Variants in OPN3 observed in about 807,000 individuals in gnomAD.
OPN3 encodes the protein opsin 3, also known as opsin-3.
Under a neutral mutation model 33.8 loss-of-function variants are expected in OPN3, and 29 were observed. The ratio of observed to expected loss-of-function variants is 0.86; its 90% CI spans 0.64 to 1.17. The LOEUF is 1.17. OPN3 is among the 50% of genes most tolerant of loss of function. OPN3 has a pLI of 0.00. For synonymous variants in OPN3, 216 were observed against 216.1 expected, an observed-to-expected ratio of 1.00 and a Z score of 0.00; for missense variants, 437 against 514.1, an observed-to-expected ratio of 0.85 and a Z score of 1.45.
chr1:241,630,820 AC>A (rs1170805138), intron 1 of OPN3: 3 of 152,070 alleles, frequency 2.0e-5, no homozygotes, highest in Non-Finnish European at 2.9e-5. Context: ...TGTAATTAAT[AC>A]TTTGGATTTT....
At chr1:241,622,614 T>C (rs775039697) in intron 1 of OPN3, among the ~76,000 whole-genome samples, 12 of 152,202 alleles carry the variant, frequency 7.9e-5, no homozygotes, top group Non-Finnish European at 1.8e-4. Context: ...TAGCACTCTT[T>C]AGTTTAAAAC....
At position 241,640,296 on chromosome 1, in the gene OPN3, T is replaced by G. The variant is rs1433569459; in HGVS notation, c.-42A>C. The G allele has an allele frequency of 7.1e-5, 80 of 1,133,150 alleles. No individual in the cohort carries two copies. The East Asian group carries it at 3.2e-3, about 46-fold the overall frequency. The allele number at this position is 1,133,150 out of a possible 1,614,324, so 70.2% of individuals were successfully genotyped here. A position where few individuals can be genotyped will look rare whatever the true frequency, so the allele number is the denominator to read the frequency against. On this transcript the variant is annotated 5_prime_UTR_variant, in exon 1 of 4. Transcript: ENST00000366554. ...GCCTGGCGGGCGGAGGCGCTCAGCTTGCGGCGGGGCTCGCGGCGCGCTCCG... is the reference window on the plus strand; with the variant it reads ...GCCTGGCGGGCGGAGGCGCTCAGCTGGCGGCGGGGCTCGCGGCGCGCTCCG...
intron 1 of OPN3, among the ~76,000 whole-genome samples, chr1:241,607,599 A>G (rs10802972): frequency 1.3e-5 from 2 of 149,654 alleles, no homozygotes; most frequent in Non-Finnish European, 3.0e-5. Context: ...AAAGGAAGAA[A>G]GAGAGAAAGG....
chr1:241,635,645 C>T (rs1055935839), intron 1 of OPN3: 3 of 1,613,956 alleles, frequency 1.9e-6, no homozygotes, highest in Non-Finnish European at 2.5e-6. Context: ...TCCATAGTAG[C>T]TTCTTGAATC....
At chr1:241,599,466 A>G (rs1276742086) in intron 2 of OPN3, among the ~76,000 whole-genome samples, 1 of 152,176 alleles carries the variant, frequency 6.6e-6, no homozygotes. Flanking sequence ...AGAAAGGTAA[A>G]TAATTTACCT....
At chr1:241,621,722 A>T (rs902563277) in intron 1 of OPN3, among the ~76,000 whole-genome samples, 6 of 152,182 alleles carry the variant, frequency 3.9e-5, no homozygotes, top group African/African-American at 7.2e-5. Flanking sequence ...TGTACGGCTC[A>T]TGAAGGGAGG....
chr1:241,594,801 G>A (rs1261374636), intron 3 of OPN3, 110 bp from the exon 4 acceptor site: 3 of 1,303,540 alleles, frequency 2.3e-6, no homozygotes, highest in Non-Finnish European at 3.2e-6. Flanking sequence ...TTGTTTGTTA[G>A]CAGGTGTGGA....
intron 1 of OPN3, among the ~76,000 whole-genome samples, chr1:241,617,718 C>T (rs981424222): frequency 1.3e-5 from 2 of 152,140 alleles, no homozygotes; most frequent in African/African-American, 2.4e-5. Context: ...AATTAATCAA[C>T]CAGAAAATGT....
At chr1:241,636,523 T>C (rs971728862) in intron 1 of OPN3, among the ~76,000 whole-genome samples, 2 of 152,218 alleles carry the variant, frequency 1.3e-5, no homozygotes, top group Non-Finnish European at 2.9e-5. Context: ...CCAGAACAGC[T>C]GAATATAAGA....
chr1:241,633,728 G>T (rs1200303455), intron 1 of OPN3: 73 of 1,538,230 alleles, frequency 4.7e-5, no homozygotes, highest in Middle Eastern at 1.9e-4. Context: ...ATGGGAAACT[G>T]TCCTTTAAAT....
intron 3 of OPN3, chr1:241,595,107 T>C (rs1663461496): frequency 6.4e-6 from 1 of 156,766 alleles, no homozygotes; most frequent in South Asian, 2.0e-4. Context: ...CCTGGCAGAG[T>C]TTACAGCCTG....
intron 1 of OPN3, among the ~76,000 whole-genome samples, chr1:241,610,777 A>G (rs1258293980): frequency 1.3e-5 from 2 of 152,226 alleles, no homozygotes; most frequent in Non-Finnish European, 2.9e-5. Flanking sequence ...AGTTTTCTCC[A>G]TATTACCTAA....
chr1:241,640,247 G>C lies in OPN3; in HGVS notation c.8C>G (p.Ser3Trp). 7.8e-7 allele frequency: 1 copy of C among 1,275,590 alleles called. No homozygotes were observed. The highest frequency in any genetic ancestry group is 9.8e-7 in the Non-Finnish European group (1 of 1,016,538). The allele number at this position is 1,275,590 out of a possible 1,614,324, so 79.0% of individuals were successfully genotyped here. The part of the protein sequence containing the change: MY[S>W]GNRSGGHGYW... ...GCCGTGGCCGCCGCTGCGGTTCCCC[G>C]AGTACATGGCCCGGCGCCGGCGCGC... The change falls in exon 1 of 4, where the codon TCG (serine) becomes TGG (tryptophan). Residue 3 changes from serine to tryptophan, a missense_variant. By Grantham distance (177) the Ser-to-Trp change is radical. Coordinates refer to ENST00000366554, the MANE Select transcript of OPN3 (RefSeq NM_014322.3).
intron 1 of OPN3, among the ~76,000 whole-genome samples, chr1:241,614,639 C>T (rs1664074718): frequency 6.6e-6 from 1 of 152,214 alleles, no homozygotes; most frequent in Non-Finnish European, 1.5e-5. Flanking sequence ...AATATCAGCT[C>T]CCCTTGTTCT....
intron 1 of OPN3, among the ~76,000 whole-genome samples, chr1:241,609,925 G>T (rs1663945221): frequency 6.6e-6 from 1 of 152,200 alleles, no homozygotes; most frequent in Non-Finnish European, 1.5e-5. Context: ...AGCAGGGATA[G>T]TCCATCTTTT....
intron 1 of OPN3, among the ~76,000 whole-genome samples, chr1:241,617,441 C>G (rs887912524): frequency 6.6e-5 from 10 of 152,162 alleles, no homozygotes. Flanking sequence ...TGAAAAAAAT[C>G]CGATATCCCA....
Position 241,594,569 on chromosome 1 carries a change from A to C in OPN3, c.1068T>G (p.Asp356Glu). The change falls in exon 4 of 4, where the codon GAT becomes GAG. Residue 356 changes from aspartate to glutamate, a missense_variant. Transcript: ENST00000366554. ...TCACTTTTTTCTTTGGCCTGTCCCC[A>C]TCTTTCTGTGACATCACAATGGGTC... ...QIRPIVMSQK[D>E]GDRPKKKVTF... The C allele has an allele frequency of 1.3e-5, 21 of 1,614,098 alleles. No individual in the cohort carries two copies. Among genetic ancestry groups the C allele is most frequent in the Non-Finnish European group, 1.8e-5 (21 of 1,179,982 alleles).
At chr1:241,626,689 A>G (rs1396385679) in intron 1 of OPN3, among the ~76,000 whole-genome samples, 1 of 152,246 alleles carries the variant, frequency 6.6e-6, no homozygotes, top group Non-Finnish European at 1.5e-5. Context: ...TGTAAACTTA[A>G]CTTACAAATA....
chr1:241,639,087 T>TCCATAATAAGAGTACTGTCGAA, intron 1 of OPN3: 1 of 152,210 alleles, frequency 6.6e-6, no homozygotes, highest in Non-Finnish European at 1.5e-5. Flanking sequence ...ACTTAAATCT[T>TCCATAATAAGAGTACTGTCGAA]CCATAATAAG....
Sources: gnomAD v4.1 joint callset for allele counts (sites outside exome capture counted in the v4.1 genomes callset) on GRCh38, gnomAD v4.1.1 for gene constraint, MANE v1.5 for transcripts, NCBI Gene and HGNC (gene_info 2026-07-23, HGNC 2026-07-21) for gene names.